The following DECR1 variants were observed in gnomAD, a reference collection of about 807,000 sequenced individuals.
The protein encoded by DECR1 is 2,4-dienoyl-CoA reductase 1.
In DECR1, 44 loss-of-function variants were observed where a neutral mutation model predicts 38.8. The ratio of observed to expected loss-of-function variants is 1.13; its 90% CI spans 0.89 to 1.46. The LOEUF (loss-of-function observed/expected upper bound fraction) is 1.46. DECR1 is among the 40% of genes most tolerant of loss of function. The pLI, the probability that DECR1 is intolerant of heterozygous loss-of-function variation, is 0.00. For missense variants in DECR1, 428 were observed against 405.5 expected, an observed-to-expected ratio of 1.06 and a Z score of -0.48; for synonymous variants, 148 against 135.2, an observed-to-expected ratio of 1.09 and a Z score of -0.66.
intron 5 of DECR1, among the ~76,000 whole-genome samples, chr8:90,027,673 A>G (rs906666606): frequency 1.3e-5 from 2 of 151,668 alleles, no homozygotes; most frequent in South Asian, 2.1e-4. Context: ...TCTTTATCCA[A>G]TTTGCCAGTC....
At chr8:90,001,622 A>G (rs1586128314) in intron 1 of DECR1, 61 bp downstream of exon 1, 1 of 1,481,314 alleles carries the variant, frequency 6.8e-7, no homozygotes, top group Non-Finnish European at 9.3e-7. Flanking sequence ...AAGAGAGAGG[A>G]CAGGGCGTCA....
intron 6 of DECR1, among the ~76,000 whole-genome samples, chr8:90,039,343 A>G (rs1655818735): frequency 6.6e-6 from 1 of 152,190 alleles, no homozygotes; most frequent in Non-Finnish European, 1.5e-5. Flanking sequence ...GGCCTCAGGA[A>G]ACTTAGAATC....
At chr8:90,012,512 G>A (rs907631091) in intron 1 of DECR1, among the ~76,000 whole-genome samples, 6 of 152,006 alleles carry the variant, frequency 3.9e-5, no homozygotes, top group African/African-American at 9.7e-5. Flanking sequence ...CATAATTTAG[G>A]GTCATTGGAA....
At chr8:90,037,942 C>T (rs1008456974) in intron 6 of DECR1, among the ~76,000 whole-genome samples, 2 of 152,142 alleles carry the variant, frequency 1.3e-5, no homozygotes, top group Non-Finnish European at 2.9e-5. Flanking sequence ...TGTCTGCTCA[C>T]GACACTCCCC....
intron 1 of DECR1, among the ~76,000 whole-genome samples, chr8:90,012,818 A>G (rs772597811): frequency 2.6e-5 from 4 of 152,204 alleles, no homozygotes; most frequent in Non-Finnish European, 4.4e-5. Flanking sequence ...TTAATAGGGT[A>G]CAATTTAAAG....
At chr8:90,008,715 A>G (rs1334084708) in intron 1 of DECR1, among the ~76,000 whole-genome samples, 3 of 152,214 alleles carry the variant, frequency 2.0e-5, no homozygotes, top group Admixed American at 6.5e-5. Context: ...CATTCTATGC[A>G]TGGAATAAAA....
At chr8:90,020,857 A>G (rs1385133582) in intron 4 of DECR1, 52 bp from the exon 5 acceptor site, 1 of 1,435,342 alleles carries the variant, frequency 7.0e-7, no homozygotes, top group Admixed American at 2.7e-5. Flanking sequence ...CCTGCAGGGA[A>G]AATGTTTTTC....
At chr8:90,005,438 T>G (rs1812715311) in intron 1 of DECR1, 4 of 456,214 alleles carry the variant, frequency 8.8e-6, no homozygotes, top group South Asian at 6.2e-5. Flanking sequence ...ATAGCATCCG[T>G]TTTTTCCAGT....
chr8:90,013,214 A>G (rs866257388), intron 1 of DECR1, among the ~76,000 whole-genome samples: 1 of 152,202 alleles, frequency 6.6e-6, no homozygotes, highest in South Asian at 2.1e-4. Flanking sequence ...TAAGTGCTCA[A>G]AAGATAACTC....
chr8:90,010,449 T>G (rs990335464), intron 1 of DECR1, among the ~76,000 whole-genome samples: 4 of 152,196 alleles, frequency 2.6e-5, no homozygotes, highest in Non-Finnish European at 5.9e-5. Flanking sequence ...GTGTGGCCAT[T>G]GGAAAGAATG....
chr8:90,015,667 G>A (rs893907364), intron 1 of DECR1: 8 of 456,116 alleles, frequency 1.8e-5, no homozygotes, highest in Non-Finnish European at 3.5e-5. Context: ...GAAGGAAATG[G>A]TAGCTTCTGG....
At chr8:90,032,364 T>C (rs1458447952) in intron 5 of DECR1, among the ~76,000 whole-genome samples, 4 of 152,190 alleles carry the variant, frequency 2.6e-5, no homozygotes. Flanking sequence ...CTTTCTCTTC[T>C]ACCACATCTC....
Position 90,036,853 on chromosome 8 carries a change from T to G in DECR1, c.578T>G (p.Leu193Arg). 1 of 1,612,006 alleles carries G rather than the reference T, an allele frequency of 6.2e-7. No homozygotes were observed. Among genetic ancestry groups the G allele is most frequent in the Non-Finnish European group, 8.5e-7 (1 of 1,178,866 alleles). ...LIKAQKGAAF[L>R]SITTIYAETG... is the part of the protein sequence containing the mutation. The stretch of plus-strand genomic sequence containing the variant: ...TTTAAAATTTCAGGAGCAGCATTTC[T>G]TTCTATTACTACTATCTATGCTGAG... The change falls in exon 6 of 10, where the codon CTT becomes CGT. Residue 193 changes from leucine (L) to arginine (R), a missense_variant. Physicochemically the swap from Leu to Arg is moderately radical, Grantham distance 102 (BLOSUM62 -2). Transcript: ENST00000220764.
At chr8:90,019,305 A>G in intron 4 of DECR1, 133 bp downstream of exon 4, 1 of 712,878 alleles carries the variant, frequency 1.4e-6, no homozygotes, top group East Asian at 2.7e-5. Flanking sequence ...TAGCCTGGGA[A>G]GGTTCTTGGC....
At chr8:90,048,103 C>T (rs1813959178) in intron 8 of DECR1, among the ~76,000 whole-genome samples, 1 of 151,846 alleles carries the variant, frequency 6.6e-6, no homozygotes, top group South Asian at 2.1e-4. Flanking sequence ...AAATGGGCAC[C>T]CTAACATCAC....
Position 90,036,904 on chromosome 8 carries a change from G to A in DECR1, c.629G>A (p.Ser210Asn). Residue 210 changes from serine to asparagine, a missense_variant, in exon 6 of 10, where the codon AGT becomes AAT. Ser to Asn is a conservative substitution (Grantham distance 46). Transcript: ENST00000220764. ...ACTGGTTCAGGTTTTGTAGTACCAA[G>A]TGCTTCTGCCAAAGCAGGTGTGGAA... The part of the protein sequence containing the change: ...AETGSGFVVP[S>N]ASAKAGVEAM... 6.2e-7 allele frequency: 1 copy of A among 1,613,412 alleles called. No individual in the cohort carries two copies. The highest frequency in any genetic ancestry group is 8.5e-7 in the Non-Finnish European group (1 of 1,179,656).
intron 6 of DECR1, 92 bp from the exon 7 acceptor site, chr8:90,042,636 C>T (rs1813789864): frequency 9.6e-7 from 1 of 1,043,098 alleles, no homozygotes; most frequent in Admixed American, 1.7e-5. Flanking sequence ...TAATCTCTGG[C>T]ATGTAGTAAG....
intron 7 of DECR1, among the ~76,000 whole-genome samples, chr8:90,044,018 G>A (rs1378134918): frequency 6.6e-6 from 1 of 152,196 alleles, no homozygotes. Flanking sequence ...GGAGTTTACA[G>A]TCTAGCCACT....
intron 1 of DECR1, among the ~76,000 whole-genome samples, chr8:90,006,974 C>T (rs987526661): frequency 1.3e-5 from 2 of 152,060 alleles, no homozygotes; most frequent in African/African-American, 4.8e-5. Context: ...TGACATCAGT[C>T]CTGAAATGTC....
Sources: allele counts gnomAD v4.1 joint callset (sites outside exome capture counted in the v4.1 genomes callset), GRCh38; gene constraint gnomAD v4.1.1; transcripts MANE v1.5; gene names NCBI Gene and HGNC (gene_info 2026-07-23, HGNC 2026-07-21).